PTPRM: variants seen among roughly 807,000 people sequenced by gnomAD.
PTPRM encodes protein tyrosine phosphatase receptor type M.
A neutral mutation model predicts 186.7 loss-of-function variants in PTPRM; 47 were observed. That is an observed-to-expected ratio of 0.25 (90% CI 0.20 to 0.32). The LOEUF is 0.32. PTPRM is among the 10% of genes least tolerant of loss of function. PTPRM has a pLI of 1.00. For synonymous variants in PTPRM, 668 were observed against 674.9 expected, an observed-to-expected ratio of 0.99 and a Z score of 0.16; for missense variants, 1,494 against 1,865.0, an observed-to-expected ratio of 0.80 and a Z score of 3.66.
intron 14 of PTPRM, among the ~76,000 whole-genome samples, chr18:8,170,695 A>G (rs2093387216): frequency 6.6e-6 from 1 of 152,182 alleles, no homozygotes; most frequent in Non-Finnish European, 1.5e-5. Flanking sequence ...TTCCTGAAGA[A>G]TCAGTCTCTG....
intron 13 of PTPRM, among the ~76,000 whole-genome samples, chr18:8,139,445 C>T (rs576890894): frequency 6.6e-6 from 1 of 152,282 alleles, no homozygotes; most frequent in South Asian, 2.1e-4. Context: ...CCACCGTGGC[C>T]CGCTACAGCC....
intron 3 of PTPRM, among the ~76,000 whole-genome samples, chr18:7,899,007 A>G (rs1398882156): frequency 1.3e-5 from 2 of 152,184 alleles, no homozygotes; most frequent in Non-Finnish European, 2.9e-5. Flanking sequence ...TTGATTCATT[A>G]ACTTTGAACC....
chr18:7,699,159 C>G (rs73391505), intron 1 of PTPRM, among the ~76,000 whole-genome samples: 9,498 of 152,196 alleles, frequency 0.062, 775 homozygotes, highest in African/African-American at 0.18. Flanking sequence ...TTATGAGACT[C>G]TAACCAATGC....
chr18:7,767,504 G>A (rs1354352490), intron 1 of PTPRM, among the ~76,000 whole-genome samples: 1 of 152,168 alleles, frequency 6.6e-6, no homozygotes, highest in Non-Finnish European at 1.5e-5. Flanking sequence ...GGTCACATAA[G>A]GTTTCCTTTG....
chr18:7,605,329 G>A lies in PTPRM; in HGVS notation c.73+37438G>A, dbSNP rs187044884. ...ATTAATAAATATTGTGAAGCAGAAA[G>A]GCTGTGCTTATATAAAATTTTGATG... On this transcript the variant is annotated intron_variant, in intron 1 of 32. Transcript: ENST00000580170. 3.1e-3 allele frequency among the ~76,000 whole-genome samples: 470 copies of A among 152,218 alleles called. 4 individuals are homozygous for A. Among genetic ancestry groups the A allele is most frequent in the Non-Finnish European group, 5.4e-3 (369 of 68,028 alleles).
intron 2 of PTPRM, among the ~76,000 whole-genome samples, chr18:7,780,868 T>C (rs2042822368): frequency 6.6e-6 from 1 of 152,084 alleles, no homozygotes; most frequent in Non-Finnish European, 1.5e-5. Flanking sequence ...CAAGAGGCCA[T>C]GGAGGCTGAG....
chr18:8,400,422 C>T (rs80076735), intron 32 of PTPRM, among the ~76,000 whole-genome samples: 2,179 of 152,326 alleles, frequency 0.014, 37 homozygotes, highest in East Asian at 0.11. Context: ...CCCCAACTCC[C>T]GGGGGAGCTT....
Position 8,296,543 on chromosome 18 carries a change from T to C in PTPRM, c.2842+88T>C, listed in dbSNP as rs889284235. ...CCACCAGGCTCATACAGAGGAAATTTACAGTGCAATTACCTCCTTCATCCT... is the reference window on the plus strand; with the variant it reads ...CCACCAGGCTCATACAGAGGAAATTCACAGTGCAATTACCTCCTTCATCCT... On this transcript the variant is annotated intron_variant, in intron 20 of 32. Coordinates refer to ENST00000580170, the MANE Select transcript of PTPRM (RefSeq NM_001105244.2). 3 of 915,578 alleles carry C rather than the reference T, an allele frequency of 3.3e-6. No homozygotes were observed. In the Middle Eastern group the frequency reaches 6.5e-4, roughly 198 times the overall value. 56.7% of individuals were successfully genotyped at this position (915,578 alleles called of 1,614,324 possible).
At chr18:7,678,564 T>G (rs2039403912) in intron 1 of PTPRM, among the ~76,000 whole-genome samples, 1 of 152,182 alleles carries the variant, frequency 6.6e-6, no homozygotes, top group Admixed American at 6.5e-5. Context: ...ACAGTTTGGT[T>G]TGTGTTTTTC....
At chr18:7,669,137 C>A (rs374899739) in intron 1 of PTPRM, among the ~76,000 whole-genome samples, 13 of 152,100 alleles carry the variant, frequency 8.5e-5, no homozygotes, top group African/African-American at 3.1e-4. Flanking sequence ...TCCTTGAAAC[C>A]TAGGAAAGAA....
chr18:7,629,193 A>C (rs1471813057), intron 1 of PTPRM, among the ~76,000 whole-genome samples: 1 of 152,206 alleles, frequency 6.6e-6, no homozygotes, highest in African/African-American at 2.4e-5. Context: ...ATCAATGGGT[A>C]CAGGGTTTGG....
At position 7,842,947 on chromosome 18, in the gene PTPRM, T is replaced by TATATATATAGAGAGAGAG. The variant is rs370746043; in HGVS notation, c.197-45158_197-45157insTATATATAGAGAGAGAGA. On this transcript the variant is annotated intron_variant, in intron 2 of 32. Coordinates refer to ENST00000580170, the MANE Select transcript of PTPRM (RefSeq NM_001105244.2). The stretch of plus-strand genomic sequence containing the variant: ...GTGTGTGTGTATATATATATATATA[T>TATATATATAGAGAGAGAG]AGAGAGAGAGAGAGAGAGAGAGAGA... 7.8e-4 allele frequency among the ~76,000 whole-genome samples: 88 copies of TATATATATAGAGAGAGAG among 112,108 alleles called. 3 individuals carry two copies. The highest frequency in any genetic ancestry group is 6.9e-3 in the East Asian group (22 of 3,210). The allele number at this position is 112,108 out of a possible 152,430, so 73.5% of individuals were successfully genotyped here.
intron 7 of PTPRM, among the ~76,000 whole-genome samples, chr18:8,001,632 T>C (rs1340911189): frequency 6.6e-6 from 1 of 152,130 alleles, no homozygotes; most frequent in Non-Finnish European, 1.5e-5. Context: ...CTAGCAATAA[T>C]TGTGAAGTGA....
chr18:7,642,382 G>T (rs548478185), intron 1 of PTPRM, among the ~76,000 whole-genome samples: 1 of 152,082 alleles, frequency 6.6e-6, no homozygotes, highest in African/African-American at 2.4e-5. Context: ...TTCTACTGTC[G>T]TTACAATTTC....
At position 7,984,792 on chromosome 18, in the gene PTPRM, C is replaced by CATATAAAATTATATACACAT. The variant is rs1568129927; in HGVS notation, c.1132+29385_1132+29386insATTATATACACATATATAAA. Among the ~76,000 whole-genome samples, 508 of 125,426 alleles carry CATATAAAATTATATACACAT rather than the reference C, an allele frequency of 4.1e-3. 134 individuals are homozygous for CATATAAAATTATATACACAT. Among genetic ancestry groups the CATATAAAATTATATACACAT allele is most frequent in the African/African-American group, 0.015 (472 of 31,068 alleles). The allele number at this position is 125,426 out of a possible 152,430, so 82.3% of individuals were successfully genotyped here. ...ATATACACATAAAATTATATACACA[C>CATATAAAATTATATACACAT]ATATAAATATATACATATAAAATTA... On this transcript the variant is annotated intron_variant, in intron 7 of 32. Coordinates refer to ENST00000580170, the MANE Select transcript of PTPRM (RefSeq NM_001105244.2).
At chr18:7,779,534 G>T (rs929029677) in intron 2 of PTPRM, among the ~76,000 whole-genome samples, 2 of 152,222 alleles carry the variant, frequency 1.3e-5, no homozygotes, top group Non-Finnish European at 2.9e-5. Flanking sequence ...TGGGAAGGAA[G>T]ATGGATTGAC....
intron 1 of PTPRM, among the ~76,000 whole-genome samples, chr18:7,676,363 C>A (rs2039335722): frequency 6.6e-6 from 1 of 152,070 alleles, no homozygotes. Flanking sequence ...TGGGTGTAAC[C>A]TTCTCTTCTT....
intron 1 of PTPRM, among the ~76,000 whole-genome samples, chr18:7,727,122 G>A (rs756729754): frequency 7.2e-5 from 11 of 152,044 alleles, no homozygotes; most frequent in Non-Finnish European, 1.0e-4. Context: ...GAAAAGTAAT[G>A]ACTTCCCTGT....
At chr18:7,800,327 T>G (rs750119275) in intron 2 of PTPRM, among the ~76,000 whole-genome samples, 10 of 152,206 alleles carry the variant, frequency 6.6e-5, no homozygotes, top group Non-Finnish European at 1.5e-4. Context: ...AAAATATGTT[T>G]ATCAGTCTTT....
Sources: gnomAD v4.1 joint callset for allele counts (sites outside exome capture counted in the v4.1 genomes callset) on GRCh38, gnomAD v4.1.1 for gene constraint, MANE v1.5 for transcripts, NCBI Gene and HGNC (gene_info 2026-07-23, HGNC 2026-07-21) for gene names.